LGSN: variants seen among roughly 807,000 people sequenced by gnomAD.
LGSN encodes lengsin, lens protein with glutamine synthetase domain, also known as lengsin.
LGSN carries 21 observed loss-of-function variants against 19.5 expected under a neutral mutation model. The observed-to-expected ratio is 1.07, with a 90% CI of 0.76 to 1.55. LGSN has a LOEUF of 1.55. Among genes scored for constraint, LGSN ranks in the 40% most tolerant of loss-of-function variants. LGSN has a pLI of 0.00. For synonymous variants in LGSN, 257 were observed against 215.6 expected, an observed-to-expected ratio of 1.19 and a Z score of -1.68; for missense variants, 673 against 608.5, an observed-to-expected ratio of 1.11 and a Z score of -1.12.
At chr6:63,437,963 T>C in the LGSN span, among the ~76,000 whole-genome samples, 1 of 152,126 alleles carries the variant, frequency 6.6e-6, no homozygotes, top group Non-Finnish European at 1.5e-5. Context: ...AACCTACTTA[T>C]CTCTCCCAAA....
At chr6:63,548,676 T>A in the LGSN span, 1 of 475,984 alleles carries the variant, frequency 2.1e-6, no homozygotes, top group Non-Finnish European at 3.8e-6. Context: ...ATTTTAATTA[T>A]TTTTATGTAC....
chr6:63,443,502 AC>A, the LGSN span: 1 of 468,618 alleles, frequency 2.1e-6, no homozygotes. Flanking sequence ...TCACCTTTGC[AC>A]CAGCGTGAAC....
chr6:63,316,801 T>C (rs977778320), intron 1 of LGSN, among the ~76,000 whole-genome samples: 44 of 152,006 alleles, frequency 2.9e-4, no homozygotes, highest in Non-Finnish European at 5.3e-4. Context: ...GGCTCTGTAA[T>C]ATAGTATGAA....
At chr6:63,452,706 A>T in the LGSN span, among the ~76,000 whole-genome samples, 47 of 149,882 alleles carry the variant, frequency 3.1e-4, no homozygotes, top group Non-Finnish European at 8.9e-5. Context: ...GTCTGGCTAC[A>T]AGTTTATCAG....
the LGSN span, chr6:63,443,611 G>A: frequency 1.9e-6 from 2 of 1,041,708 alleles, no homozygotes; most frequent in Admixed American, 4.3e-5. Context: ...CTGCCTCCCA[G>A]CCTTGGAGCT....
At chr6:63,374,548 G>A in the LGSN span, among the ~76,000 whole-genome samples, 1 of 152,176 alleles carries the variant, frequency 6.6e-6, no homozygotes, top group Non-Finnish European at 1.5e-5. Context: ...AGTTGGAATA[G>A]ACACATTTGA....
At chr6:63,431,094 T>C in the LGSN span, among the ~76,000 whole-genome samples, 841 of 152,304 alleles carry the variant, frequency 5.5e-3, 6 homozygotes, top group African/African-American at 0.019. Context: ...ATTATCCCAT[T>C]TGATCTTCAC....
chr6:63,385,408 T>C, the LGSN span, among the ~76,000 whole-genome samples: 1 of 152,228 alleles, frequency 6.6e-6, no homozygotes. Flanking sequence ...AATGTCCTCT[T>C]ATATGAAAAT....
At chr6:63,552,369 T>G in the LGSN span, among the ~76,000 whole-genome samples, 1 of 152,214 alleles carries the variant, frequency 6.6e-6, no homozygotes, top group African/African-American at 2.4e-5. Flanking sequence ...TTACCCACTT[T>G]TTGATGGGGT....
At chr6:63,287,148 G>T (rs1259317443) in intron 2 of LGSN, among the ~76,000 whole-genome samples, 1 of 151,464 alleles carries the variant, frequency 6.6e-6, no homozygotes, top group African/African-American at 2.5e-5. Flanking sequence ...ATGAAGCATG[G>T]GAAAAACAAA....
the LGSN span, among the ~76,000 whole-genome samples, chr6:63,416,438 A>G: frequency 6.6e-6 from 1 of 152,206 alleles, no homozygotes; most frequent in Non-Finnish European, 1.5e-5. Context: ...TACTCCCTAC[A>G]GGCTGCCACT....
At chr6:63,499,933 A>G in the LGSN span, among the ~76,000 whole-genome samples, 2 of 151,182 alleles carry the variant, frequency 1.3e-5, no homozygotes, top group African/African-American at 4.9e-5. Context: ...CAGCTTTCTG[A>G]GCTCCTTATT....
the LGSN span, among the ~76,000 whole-genome samples, chr6:63,328,229 T>C: frequency 6.6e-6 from 1 of 152,070 alleles, no homozygotes; most frequent in Non-Finnish European, 1.5e-5. Context: ...TGAACTTCCA[T>C]TGGTATATAG....
chr6:63,417,525 A>G, the LGSN span, among the ~76,000 whole-genome samples: 30 of 152,230 alleles, frequency 2.0e-4, no homozygotes, highest in African/African-American at 6.7e-4. Flanking sequence ...ATAACTTTAC[A>G]TTTTGTTATT....
At chr6:63,566,712 T>C in the LGSN span, among the ~76,000 whole-genome samples, 1 of 152,194 alleles carries the variant, frequency 6.6e-6, no homozygotes, top group South Asian at 2.1e-4. Context: ...AAGGTGGCTG[T>C]GGCAATTTCT....
chr6:63,544,569 G>T, the LGSN span, among the ~76,000 whole-genome samples: 2 of 151,972 alleles, frequency 1.3e-5, no homozygotes, highest in Admixed American at 6.6e-5. Context: ...AAAAACCTGG[G>T]TCACAGACTG....
At position 63,280,204 on chromosome 6, in the gene LGSN, T is replaced by C; in HGVS notation, c.1347A>G (p.Gln449=). The C allele has an allele frequency of 1.9e-6, 3 of 1,614,216 alleles. No homozygotes were observed. The highest frequency in any genetic ancestry group is 1.1e-5 in the South Asian group (1 of 91,082). ...TTAAAGGGATCTCAGAAGGTTCCAC[T>C]TGGTAAAAGTCTGTGCTCTCATCTG... ...AGPDESTDFY[Q]VEPSEIPLKL... The change falls in exon 4 of 4, where the codon CAA becomes CAG. Residue 449 remains glutamine (Q), a synonymous_variant. Transcript: ENST00000370657.
At chr6:63,379,729 C>G in the LGSN span, among the ~76,000 whole-genome samples, 1 of 152,174 alleles carries the variant, frequency 6.6e-6, no homozygotes, top group Non-Finnish European at 1.5e-5. Context: ...ATCAAACTCT[C>G]TGGAGTAGGA....
chr6:63,476,959 C>A, the LGSN span, among the ~76,000 whole-genome samples: 1 of 152,214 alleles, frequency 6.6e-6, no homozygotes, highest in Admixed American at 6.5e-5. Flanking sequence ...TGGAAATAAG[C>A]ATCCTTTACT....
Sources: allele counts gnomAD v4.1 joint callset (sites outside exome capture counted in the v4.1 genomes callset), GRCh38; gene constraint gnomAD v4.1.1; transcripts MANE v1.5; gene names NCBI Gene and HGNC (gene_info 2026-07-23, HGNC 2026-07-21).